CPEB1: variants seen among roughly 807,000 people sequenced by gnomAD.
CPEB1 encodes the protein cytoplasmic polyadenylation element binding protein 1.
A neutral mutation model predicts 65.8 loss-of-function variants in CPEB1; 7 were observed. The observed-to-expected ratio is 0.11, with a 90% confidence interval of 0.06 to 0.20. The LOEUF (loss-of-function observed/expected upper bound fraction) is 0.20, where lower values mean the gene tolerates loss of function less well. CPEB1 is among the 10% of genes least tolerant of loss of function. The pLI is 1.00. For synonymous variants in CPEB1, 262 were observed against 260.0 expected (o/e 1.01, Z -0.08); for missense variants, 551 against 712.2 (o/e 0.77, Z 2.58).
chr15:82,613,503 T>C (rs1243554937), intron 3 of CPEB1, among the ~76,000 whole-genome samples: 1 of 152,078 alleles, frequency 6.6e-6, no homozygotes. Flanking sequence ...TCCTCCCACC[T>C]CAGCCCCAAG....
chr15:82,609,476 G>A (rs2043928673), intron 3 of CPEB1, among the ~76,000 whole-genome samples: 1 of 151,076 alleles, frequency 6.6e-6, no homozygotes, highest in African/African-American at 2.4e-5. Flanking sequence ...ACTCCAGCCT[G>A]GGCAACAGAG....
At position 82,647,124 on chromosome 15, in the gene CPEB1, G is replaced by A. The variant is rs1469886802; in HGVS notation, c.-98+13C>T. ...GCAAGCCTAACCCTCTCCCGCCCAT[G>A]ACCAGGACCCACCTCAATGCCGCCA... On this transcript the variant is annotated intron_variant, in intron 1 of 12. Coordinates refer to ENST00000684509, the MANE Select transcript of CPEB1 (RefSeq NM_001365242.1). The A allele has an allele frequency of 6.5e-6, 1 of 152,980 alleles. No individual in the cohort carries two copies. Among genetic ancestry groups the A allele is most frequent in the Non-Finnish European group, 1.5e-5 (1 of 68,764 alleles). 9.5% of individuals were successfully genotyped at this position (152,980 alleles called of 1,614,324 possible).
chr15:82,585,145 C>A (rs2041686070), intron 3 of CPEB1, among the ~76,000 whole-genome samples: 1 of 151,954 alleles, frequency 6.6e-6, no homozygotes, highest in Non-Finnish European at 1.5e-5. Context: ...TTAGCGGAAG[C>A]CCTTTATTTC....
At chr15:82,605,238 T>C (rs891683592) in intron 3 of CPEB1, among the ~76,000 whole-genome samples, 1 of 152,208 alleles carries the variant, frequency 6.6e-6, no homozygotes, top group Non-Finnish European at 1.5e-5. Context: ...CTAAAGAGCA[T>C]CTTTCCCAGT....
chr15:82,548,674 A>C, intron 10 of CPEB1: 1 of 455,318 alleles, frequency 2.2e-6, no homozygotes, highest in South Asian at 1.6e-5. Context: ...CACTCTGGAG[A>C]CCTATTAAGA....
chr15:82,571,392 A>G lies in CPEB1; in HGVS notation c.412T>C (p.Trp138Arg). ...SLSLTGWDRP[W>R]STQDSDSSAQ... The stretch of plus-strand genomic sequence containing the variant: ...GAGGAATCTGAGTCCTGGGTGCTCC[A>G]GGGTCGGTCCCAGCCTGTCAGACTG... The change falls in exon 4 of 13, where the codon TGG becomes CGG. Residue 138 changes from tryptophan to arginine, a missense_variant. Around this residue, in one of 6 missense-constraint regions of CPEB1, gnomAD observed 223 missense variants for 228.6 expected, o/e 0.98. Coordinates refer to ENST00000684509, the MANE Select transcript of CPEB1 (RefSeq NM_001365242.1). 6.2e-7 allele frequency: 1 copy of G among 1,614,140 alleles called. No individual in the cohort carries two copies. Among genetic ancestry groups the G allele is most frequent in the Non-Finnish European group, 8.5e-7 (1 of 1,180,014 alleles).
intron 4 of CPEB1, among the ~76,000 whole-genome samples, chr15:82,568,416 A>G (rs1030729684): frequency 3.4e-4 from 52 of 152,126 alleles, no homozygotes; most frequent in Non-Finnish European, 1.3e-4. Flanking sequence ...ACGCACTTAT[A>G]ACACTCATCT....
At chr15:82,610,958 CAAAAAAAA>C (rs60065545) in intron 3 of CPEB1, among the ~76,000 whole-genome samples, 4 of 30,010 alleles carry the variant, frequency 1.3e-4, no homozygotes, top group South Asian at 2.4e-3. Context: ...ACTCCAGTCT[CAAAAAAAA>C]AAAAAAAAAA....
Position 82,549,598 on chromosome 15 carries a change from G to C in CPEB1, c.1342C>G (p.Leu448Val). The change falls in exon 10 of 13, where the codon CTT (leucine) becomes GTT (valine). Residue 448 changes from leucine to valine, a missense_variant. Transcript: ENST00000684509. ...SNFVRSPSQR[L>V]DPSRTVFVGA... ...ACAAACACCGTCCTGCTGGGGTCAA[G>C]CCTCTGAGATGGGCTCCGGACAAAG... 1 of 1,614,198 alleles carries C rather than the reference G, an allele frequency of 6.2e-7. No homozygotes were observed.
At position 82,544,692 on chromosome 15, in the gene CPEB1, T is replaced by G; in HGVS notation, c.1667A>C (p.Lys556Thr). Residue 556 changes from lysine to threonine, a missense_variant, in exon 13 of 13, where the codon AAA becomes ACA. Lys to Thr is a moderately conservative substitution (Grantham distance 78). Coordinates refer to ENST00000684509, the MANE Select transcript of CPEB1 (RefSeq NM_001365242.1). ...PFFCRDQVCFKYFCRSCWHWR... is the reference protein window; with the variant it reads ...PFFCRDQVCFTYFCRSCWHWR... ...GTGCCAGCAGCTCCGGCAGAAGTAT[T>G]TGAAGCAGACCTGGGTTGGGGGAAC... The G allele has an allele frequency of 6.2e-7, 1 of 1,613,232 alleles. No individual in the cohort carries two copies. The highest frequency in any genetic ancestry group is 1.1e-5 in the South Asian group (1 of 90,902).
intron 3 of CPEB1, among the ~76,000 whole-genome samples, chr15:82,617,184 T>C (rs1409546703): frequency 6.6e-6 from 1 of 152,250 alleles, no homozygotes; most frequent in African/African-American, 2.4e-5. Context: ...TTTGTCTGGC[T>C]TCTTTCACTG....
At chr15:82,607,571 A>C (rs900621409) in intron 3 of CPEB1, among the ~76,000 whole-genome samples, 1 of 152,172 alleles carries the variant, frequency 6.6e-6, no homozygotes, top group African/African-American at 2.4e-5. Context: ...TGGATGACAG[A>C]GCGAGACTCA....
At chr15:82,546,633 T>G (rs1278010534) in intron 11 of CPEB1, 112 bp from the exon 12 acceptor site, 5 of 788,096 alleles carry the variant, frequency 6.3e-6, no homozygotes, top group Non-Finnish European at 1.1e-5. Flanking sequence ...GATATTGGAA[T>G]GCAGGATATT....
chr15:82,630,741 G>A (rs2046173301), intron 1 of CPEB1, among the ~76,000 whole-genome samples: 1 of 152,174 alleles, frequency 6.6e-6, no homozygotes, highest in Non-Finnish European at 1.5e-5. Context: ...GGAAATGGGG[G>A]TAAAGAGGAA....
chr15:82,633,114 C>A (rs577845093), intron 1 of CPEB1: 8 of 152,122 alleles, frequency 5.3e-5, no homozygotes, highest in Admixed American at 3.3e-4. Flanking sequence ...AGTTGGTCTT[C>A]TACTGTCAAC....
Position 82,628,585 on chromosome 15 carries a change from T to C in CPEB1, c.-97-29A>G, listed in dbSNP as rs571285188. 6.1e-5 allele frequency: 37 copies of C among 610,756 alleles called. No homozygotes were observed. In the East Asian group the frequency reaches 9.3e-4, roughly 15 times the overall value. 37.8% of individuals were successfully genotyped at this position (610,756 alleles called of 1,614,324 possible). A position where few individuals can be genotyped will look rare whatever the true frequency, so the allele number is the denominator to read the frequency against. On this transcript the variant is annotated intron_variant, in intron 1 of 12. Transcript: ENST00000684509. ...ACGCAAATGGTGGAATTAGGATTGG[T>C]ACCACATAGAAACATTTTTACAGAA... is the stretch of plus-strand genomic sequence containing the variant.
At chr15:82,628,291 G>GAT (rs1439481462) in intron 2 of CPEB1, 73 bp downstream of exon 2, 1 of 702,328 alleles carries the variant, frequency 1.4e-6, no homozygotes, top group African/African-American at 1.7e-5. Context: ...AGAAACTGTA[G>GAT]ATATGACAAA....
At chr15:82,620,524 G>A (rs116153197) in intron 3 of CPEB1, among the ~76,000 whole-genome samples, 3,442 of 152,234 alleles carry the variant, frequency 0.023, 135 homozygotes, top group African/African-American at 0.078. Context: ...TGAACTGGGT[G>A]TGGTGGCTCA....
At chr15:82,614,661 A>G (rs992153853) in intron 3 of CPEB1, among the ~76,000 whole-genome samples, 1 of 152,260 alleles carries the variant, frequency 6.6e-6, no homozygotes, top group East Asian at 1.9e-4. Flanking sequence ...AAGCAATTGT[A>G]TAATGTTACC....
Sources: allele counts gnomAD v4.1 joint callset (sites outside exome capture counted in the v4.1 genomes callset), GRCh38; gene constraint gnomAD v4.1.1; regional missense constraint gnomAD v4.1.1; transcripts MANE v1.5; gene names NCBI Gene and HGNC (gene_info 2026-07-23, HGNC 2026-07-21).